Variants in ITGA9 observed in about 807,000 individuals in gnomAD.
ITGA9 encodes the protein integrin subunit alpha 9, also known as integrin alpha-9.
ITGA9 carries 56 observed loss-of-function variants against 127.8 expected under a neutral mutation model. The ratio of observed to expected loss-of-function variants is 0.44; its 90% CI spans 0.35 to 0.55. ITGA9 has a LOEUF of 0.55. ITGA9 is among the 20% of genes least tolerant of loss of function. The pLI, the probability that ITGA9 is intolerant of heterozygous loss-of-function variation, is 0.00. For missense variants in ITGA9, 1,196 were observed against 1,347.1 expected (o/e 0.89, Z 1.76); for synonymous variants, 508 against 514.5 (o/e 0.99, Z 0.17).
chr3:37,704,991 G>C (rs967512389), intron 18 of ITGA9, among the ~76,000 whole-genome samples: 3 of 152,196 alleles, frequency 2.0e-5, no homozygotes, highest in East Asian at 3.8e-4. Context: ...ACTAGGCATT[G>C]CAAAGATAAC....
intron 15 of ITGA9, among the ~76,000 whole-genome samples, chr3:37,585,372 G>A (rs1445439202): frequency 6.6e-6 from 1 of 152,168 alleles, no homozygotes; most frequent in Non-Finnish European, 1.5e-5. Context: ...AGCCTGAAGA[G>A]CCCATGGAAT....
chr3:37,578,669 G>A (rs537273404), intron 15 of ITGA9, among the ~76,000 whole-genome samples: 1 of 152,190 alleles, frequency 6.6e-6, no homozygotes, highest in East Asian at 1.9e-4. Context: ...ATGGGCTCAG[G>A]AATTTTGTTT....
intron 16 of ITGA9, among the ~76,000 whole-genome samples, chr3:37,647,635 C>T (rs1700391389): frequency 6.6e-6 from 1 of 152,050 alleles, no homozygotes; most frequent in Non-Finnish European, 1.5e-5. Flanking sequence ...ACTCCCTACC[C>T]CCTCCCCGAC....
At chr3:37,703,445 T>G (rs1341476663) in intron 18 of ITGA9, among the ~76,000 whole-genome samples, 1 of 152,218 alleles carries the variant, frequency 6.6e-6, no homozygotes, top group African/African-American at 2.4e-5. Context: ...AAGTTTTTAG[T>G]CTTCTCTTTT....
intron 27 of ITGA9, chr3:37,808,871 G>T (rs79925467): frequency 2.6e-5 from 4 of 152,130 alleles, no homozygotes; most frequent in African/African-American, 9.7e-5. Flanking sequence ...TTTTTATGTG[G>T]TGGCTTAGGC....
intron 17 of ITGA9, among the ~76,000 whole-genome samples, chr3:37,682,800 G>T (rs1393576510): frequency 6.6e-6 from 1 of 152,104 alleles, no homozygotes; most frequent in Non-Finnish European, 1.5e-5. Context: ...TCCAGTCCAT[G>T]AGAAAAATCT....
intron 23 of ITGA9, among the ~76,000 whole-genome samples, chr3:37,751,550 T>A (rs1287251311): frequency 2.0e-5 from 3 of 152,136 alleles, no homozygotes; most frequent in African/African-American, 7.2e-5. Context: ...AACAAGACAT[T>A]TAAGTCACTC....
intron 17 of ITGA9, among the ~76,000 whole-genome samples, chr3:37,675,651 C>T (rs576596639): frequency 4.0e-5 from 6 of 151,542 alleles, no homozygotes; most frequent in African/African-American, 9.7e-5. Context: ...ACATATGTTA[C>T]GCTTTTTTTT....
At chr3:37,454,819 C>G (rs1170864031) in intron 1 of ITGA9, among the ~76,000 whole-genome samples, 1 of 151,912 alleles carries the variant, frequency 6.6e-6, no homozygotes, top group Non-Finnish European at 1.5e-5. Flanking sequence ...TCCCAGTATT[C>G]TTTGTCTTAG....
chr3:37,704,988 A>G lies in ITGA9; in HGVS notation c.2067+20973A>G, dbSNP rs141437902. Among the ~76,000 whole-genome samples the G allele has an allele frequency of 3.9e-5, 6 of 152,218 alleles. No homozygotes were observed. The East Asian group carries it at 1.2e-3, about 29-fold the overall frequency. On this transcript the variant is annotated intron_variant, in intron 18 of 27. Transcript: ENST00000264741. ...TTGTTTGCATGGTTCAGAACTAGGC[A>G]TTGCAAAGATAACCATTTACTCTGA... is the stretch of plus-strand genomic sequence containing the variant.
intron 18 of ITGA9, among the ~76,000 whole-genome samples, chr3:37,697,139 C>T (rs926700303): frequency 6.4e-4 from 97 of 151,938 alleles, no homozygotes; most frequent in South Asian, 1.7e-3. Flanking sequence ...AGAAAAGGTT[C>T]GCTGGGCCAG....
chr3:37,507,241 A>G (rs1255322261), intron 7 of ITGA9, among the ~76,000 whole-genome samples: 1 of 152,178 alleles, frequency 6.6e-6, no homozygotes, highest in African/African-American at 2.4e-5. Flanking sequence ...GAGTTGCATG[A>G]ATTTATCTAA....
chr3:37,717,079 C>G (rs1169172449), intron 18 of ITGA9, among the ~76,000 whole-genome samples: 1 of 152,214 alleles, frequency 6.6e-6, no homozygotes, highest in Non-Finnish European at 1.5e-5. Context: ...TTTCCTAAAG[C>G]TTCAGCCCTA....
chr3:37,481,712 A>C, intron 4 of ITGA9, 105 bp downstream of exon 4: 3 of 1,430,812 alleles, frequency 2.1e-6, no homozygotes, highest in Non-Finnish European at 2.9e-6. Flanking sequence ...AGCTTTCCAC[A>C]TGCTCATGAT....
chr3:37,637,604 G>T (rs1270552002), intron 16 of ITGA9, among the ~76,000 whole-genome samples: 1 of 152,106 alleles, frequency 6.6e-6, no homozygotes, highest in East Asian at 1.9e-4. Context: ...GAAAATTCTT[G>T]GGCCCACCCC....
At chr3:37,528,975 C>T (rs1699122061) in intron 13 of ITGA9, among the ~76,000 whole-genome samples, 1 of 151,806 alleles carries the variant, frequency 6.6e-6, no homozygotes, top group Non-Finnish European at 1.5e-5. Flanking sequence ...TCCATCTTGC[C>T]CATTCTAGAA....
chr3:37,656,625 G>A (rs1483778919), intron 17 of ITGA9, among the ~76,000 whole-genome samples: 1 of 152,180 alleles, frequency 6.6e-6, no homozygotes, highest in Admixed American at 6.5e-5. Flanking sequence ...ATACAATCAT[G>A]TTGTCTGCAA....
At chr3:37,706,662 T>C (rs1396647548) in intron 18 of ITGA9, among the ~76,000 whole-genome samples, 1 of 152,148 alleles carries the variant, frequency 6.6e-6, no homozygotes, top group Non-Finnish European at 1.5e-5. Context: ...AGGGGTGTCA[T>C]TGAGTTTGGG....
At chr3:37,487,923 A>G (rs1698627367) in intron 4 of ITGA9, among the ~76,000 whole-genome samples, 1 of 152,148 alleles carries the variant, frequency 6.6e-6, no homozygotes, top group African/African-American at 2.4e-5. Context: ...GCAATTATAG[A>G]TACACTCTGT....
Sources: allele counts gnomAD v4.1 joint callset (sites outside exome capture counted in the v4.1 genomes callset), GRCh38; gene constraint gnomAD v4.1.1; transcripts MANE v1.5; gene names NCBI Gene and HGNC (gene_info 2026-07-23, HGNC 2026-07-21).